CORIN: variants seen among roughly 807,000 people sequenced by gnomAD.
The protein encoded by CORIN is atrial natriuretic peptide-converting enzyme.
A neutral mutation model predicts 125.3 loss-of-function variants in CORIN; 117 were observed. The observed-to-expected ratio is 0.93, with a 90% CI of 0.80 to 1.09. The LOEUF (loss-of-function observed/expected upper bound fraction) is 1.09, where lower values mean the gene tolerates loss of function less well. Among genes scored for constraint, CORIN ranks in the 50% least tolerant of loss-of-function variants. CORIN has a pLI of 0.00. For missense variants in CORIN, 1,253 were observed against 1,306.7 expected (o/e 0.96, Z 0.63); for synonymous variants, 450 against 466.4 (o/e 0.96, Z 0.45).
At chr4:47,628,579 C>T (rs2109571867) in intron 16 of CORIN, among the ~76,000 whole-genome samples, 1 of 152,178 alleles carries the variant, frequency 6.6e-6, no homozygotes, top group East Asian at 1.9e-4. Flanking sequence ...TTATTCATTC[C>T]ACATTACCAA....
intron 10 of CORIN, among the ~76,000 whole-genome samples, chr4:47,673,970 C>CA (rs61760495): frequency 0.04 from 6,110 of 151,436 alleles, 232 homozygotes; most frequent in African/African-American, 0.096. Flanking sequence ...GAGTGTGTCT[C>CA]AAAAAAAACA....
chr4:47,616,955 T>A (rs1722088484), intron 19 of CORIN, among the ~76,000 whole-genome samples: 1 of 152,210 alleles, frequency 6.6e-6, no homozygotes, highest in Non-Finnish European at 1.5e-5. Context: ...TATGCTTGTT[T>A]TAAAATGGGA....
intron 2 of CORIN, among the ~76,000 whole-genome samples, chr4:47,788,235 A>C (rs1467786932): frequency 6.6e-6 from 1 of 152,202 alleles, no homozygotes; most frequent in Non-Finnish European, 1.5e-5. Context: ...AGTCCCAAGG[A>C]CCATTAAAAA....
At chr4:47,646,594 C>T (rs142659604) in intron 13 of CORIN, among the ~76,000 whole-genome samples, 2 of 152,124 alleles carry the variant, frequency 1.3e-5, no homozygotes, top group Non-Finnish European at 2.9e-5. Context: ...CCGGCCAGGC[C>T]GTGAAGTACA....
intron 3 of CORIN, among the ~76,000 whole-genome samples, chr4:47,765,033 C>T (rs1314711293): frequency 6.6e-6 from 1 of 152,018 alleles, no homozygotes; most frequent in Non-Finnish European, 1.5e-5. Flanking sequence ...TCCTAGGGGC[C>T]GGGTGCGGTG....
At chr4:47,814,899 C>G (rs1039677469) in intron 1 of CORIN, among the ~76,000 whole-genome samples, 1 of 152,180 alleles carries the variant, frequency 6.6e-6, no homozygotes, top group African/African-American at 2.4e-5. Flanking sequence ...AGATAGTCCT[C>G]TCCCAAATTT....
chr4:47,670,782 G>T (rs752364894), intron 10 of CORIN, among the ~76,000 whole-genome samples: 2 of 151,814 alleles, frequency 1.3e-5, no homozygotes, highest in African/African-American at 4.8e-5. Flanking sequence ...CCTCCACACC[G>T]GAATGAGGAG....
At chr4:47,703,689 T>C (rs1207550806) in intron 5 of CORIN, among the ~76,000 whole-genome samples, 14 of 152,216 alleles carry the variant, frequency 9.2e-5, no homozygotes, top group Non-Finnish European at 1.5e-5. Flanking sequence ...AGGCCCAGTA[T>C]GTTCTGTTTA....
At chr4:47,789,131 C>T (rs904450029) in intron 2 of CORIN, among the ~76,000 whole-genome samples, 1 of 151,816 alleles carries the variant, frequency 6.6e-6, no homozygotes, top group African/African-American at 2.4e-5. Flanking sequence ...GAAACCCCGT[C>T]TCTACTAAAA....
At chr4:47,743,266 T>C (rs1245492308) in intron 5 of CORIN, among the ~76,000 whole-genome samples, 1 of 151,850 alleles carries the variant, frequency 6.6e-6, no homozygotes, top group Non-Finnish European at 1.5e-5. Flanking sequence ...TATTCCATCA[T>C]AGATGCTAAT....
At chr4:47,661,074 G>A (rs2109663147) in intron 12 of CORIN, among the ~76,000 whole-genome samples, 1 of 152,266 alleles carries the variant, frequency 6.6e-6, no homozygotes, top group Admixed American at 6.5e-5. Flanking sequence ...AATAAGCCAG[G>A]CACAGAAATA....
intron 3 of CORIN, among the ~76,000 whole-genome samples, chr4:47,784,495 A>C (rs917825304): frequency 4.6e-5 from 7 of 152,192 alleles, no homozygotes; most frequent in African/African-American, 1.4e-4. Context: ...GACTTCTATC[A>C]AACTTCCAAT....
At chr4:47,732,285 C>T (rs1201216029) in intron 5 of CORIN, among the ~76,000 whole-genome samples, 8 of 152,118 alleles carry the variant, frequency 5.3e-5, no homozygotes, top group Non-Finnish European at 1.0e-4. Context: ...AAGAGTGCTA[C>T]GAATGAAGAA....
At chr4:47,795,111 T>C (rs1299053391) in intron 2 of CORIN, among the ~76,000 whole-genome samples, 1 of 152,132 alleles carries the variant, frequency 6.6e-6, no homozygotes, top group East Asian at 1.9e-4. Context: ...TACATGTGGA[T>C]TTATTTCTGG....
intron 6 of CORIN, among the ~76,000 whole-genome samples, chr4:47,690,047 TAAG>T (rs1203840050): frequency 2.6e-5 from 4 of 152,090 alleles, no homozygotes; most frequent in African/African-American, 7.2e-5. Context: ...AACAAATACT[TAAG>T]AAGAGATTGA....
chr4:47,801,895 C>T (rs938128249), intron 2 of CORIN, among the ~76,000 whole-genome samples: 4 of 152,230 alleles, frequency 2.6e-5, no homozygotes, highest in African/African-American at 9.6e-5. Context: ...CTGGGAGACA[C>T]ATGACCTACT....
chr4:47,616,415 G>C (rs79999701), intron 19 of CORIN, among the ~76,000 whole-genome samples: 23,016 of 151,970 alleles, frequency 0.15, 2,340 homozygotes, highest in South Asian at 0.26. Context: ...CCAAGAATTT[G>C]GTCCCTAGGA....
Position 47,620,380 on chromosome 4 carries a change from TA to T in CORIN, c.2540+3190del, listed in dbSNP as rs34348700. Among the ~76,000 whole-genome samples, 275 of 152,182 alleles carry T rather than the reference TA, an allele frequency of 1.8e-3. 1 individual carries two copies. The highest frequency in any genetic ancestry group is 6.1e-3 in the African/African-American group (252 of 41,544). On this transcript the variant is annotated intron_variant, in intron 19 of 21. Transcript: ENST00000273857. Reference sequence around the variant, plus strand: ...TCTATAGATAGAATATTATTTGGCTTAAAAAAAATGAGTTAGAGCTGCATCA... The same window carrying T: ...TCTATAGATAGAATATTATTTGGCTTAAAAAAATGAGTTAGAGCTGCATCA...
chr4:47,621,988 A>C lies in CORIN; in HGVS notation c.2540+1583T>G, dbSNP rs199957956. On this transcript the variant is annotated intron_variant, in intron 19 of 21. Coordinates refer to ENST00000273857, the MANE Select transcript of CORIN (RefSeq NM_006587.4). Reference sequence around the variant, plus strand: ...AACATTAGGTATATCTCCCAATGCTATCCCTCCCCCCTCCCCCCACCCCAC... The same window carrying C: ...AACATTAGGTATATCTCCCAATGCTCTCCCTCCCCCCTCCCCCCACCCCAC... 6.0e-4 allele frequency among the ~76,000 whole-genome samples: 63 copies of C among 104,488 alleles called. No individual in the cohort carries two copies. The East Asian group carries it at 0.019, about 32-fold the overall frequency. 68.5% of individuals were successfully genotyped at this position (104,488 alleles called of 152,430 possible). A position where few individuals can be genotyped will look rare whatever the true frequency, so the allele number is the denominator to read the frequency against.
Sources: gnomAD v4.1 joint callset for allele counts (sites outside exome capture counted in the v4.1 genomes callset) on GRCh38, gnomAD v4.1.1 for gene constraint, MANE v1.5 for transcripts, NCBI Gene and HGNC (gene_info 2026-07-23, HGNC 2026-07-21) for gene names.